TRAPPC8: variants seen among roughly 807,000 people sequenced by gnomAD.
TRAPPC8 encodes the protein general sporulation gene 1 homolog.
Under a neutral mutation model 174.3 loss-of-function variants are expected in TRAPPC8, and 54 were observed. The ratio of observed to expected loss-of-function variants is 0.31; its 90% confidence interval spans 0.25 to 0.39. TRAPPC8 has a LOEUF of 0.39. Among genes scored for constraint, TRAPPC8 ranks in the 10% least tolerant of loss-of-function variants. The probability of loss-of-function intolerance (pLI) is 1.00; values close to 1 mark genes in which losing one functional copy is unlikely to be tolerated. For missense variants in TRAPPC8, 1,531 were observed against 1,699.1 expected (o/e 0.90, Z 1.74); for synonymous variants, 630 against 579.9 (o/e 1.09, Z -1.24).
At chr18:31,861,936 A>AGGGGG (rs398032373) in intron 19 of TRAPPC8, among the ~76,000 whole-genome samples, 11 of 64,222 alleles carry the variant, frequency 1.7e-4, no homozygotes, top group African/African-American at 1.9e-4. Flanking sequence ...AAAAAAAAAA[A>AGGGGG]GGGGGGGGGG....
At chr18:31,905,539 T>A (rs543393693) in intron 9 of TRAPPC8, among the ~76,000 whole-genome samples, 3 of 152,162 alleles carry the variant, frequency 2.0e-5, no homozygotes, top group African/African-American at 4.8e-5. Context: ...TATAAAAAAA[T>A]TATTTTTTAT....
At chr18:31,869,673 T>C (rs533128918) in intron 16 of TRAPPC8, among the ~76,000 whole-genome samples, 113 of 152,294 alleles carry the variant, frequency 7.4e-4, no homozygotes, top group African/African-American at 2.7e-3. Context: ...TGGAATATTA[T>C]GCAAAAATAA....
chr18:31,909,064 C>T (rs2036795293), intron 6 of TRAPPC8, 54 bp from the exon 7 acceptor site: 7 of 1,487,120 alleles, frequency 4.7e-6, no homozygotes, highest in Non-Finnish European at 4.5e-6. Context: ...GAAAACAGTG[C>T]TAATACTACC....
intron 19 of TRAPPC8, among the ~76,000 whole-genome samples, chr18:31,859,276 T>C (rs987709120): frequency 6.6e-5 from 10 of 152,180 alleles, no homozygotes; most frequent in Non-Finnish European, 1.5e-4. Context: ...GGGACTTCAT[T>C]ATGGCCATAT....
intron 4 of TRAPPC8, among the ~76,000 whole-genome samples, chr18:31,916,026 C>T (rs1271455647): frequency 2.7e-5 from 4 of 146,890 alleles, no homozygotes; most frequent in African/African-American, 1.0e-4. Flanking sequence ...CACTGCACTC[C>T]AGCCTGGGTG....
intron 22 of TRAPPC8, chr18:31,852,884 T>C (rs2033787292): frequency 1.0e-5 from 5 of 484,206 alleles, no homozygotes; most frequent in Admixed American, 3.5e-5. Flanking sequence ...CATGTATATA[T>C]ATATATGTAT....
chr18:31,902,653 T>C (rs967170753), intron 9 of TRAPPC8, among the ~76,000 whole-genome samples: 2 of 152,170 alleles, frequency 1.3e-5, no homozygotes, highest in Non-Finnish European at 2.9e-5. Flanking sequence ...AGGCCCAACA[T>C]AACCAGCGTG....
chr18:31,934,942 T>A (rs1165241431), intron 1 of TRAPPC8, among the ~76,000 whole-genome samples: 1 of 94,732 alleles, frequency 1.1e-5, no homozygotes, highest in African/African-American at 3.8e-5. Context: ...AGAGAGAGGC[T>A]CCGTCTCATA....
intron 27 of TRAPPC8, among the ~76,000 whole-genome samples, chr18:31,836,128 G>T (rs2032702143): frequency 6.6e-6 from 1 of 152,138 alleles, no homozygotes; most frequent in Non-Finnish European, 1.5e-5. Flanking sequence ...GATGGACATG[G>T]GTATGATCTG....
At chr18:31,901,636 G>A (rs2036430873) in intron 9 of TRAPPC8, among the ~76,000 whole-genome samples, 1 of 152,166 alleles carries the variant, frequency 6.6e-6, no homozygotes, top group South Asian at 2.1e-4. Context: ...ATGAATTCTG[G>A]TGTCCAGACA....
At chr18:31,860,038 T>C (rs960342394) in intron 19 of TRAPPC8, among the ~76,000 whole-genome samples, 6 of 151,758 alleles carry the variant, frequency 4.0e-5, no homozygotes, top group Admixed American at 2.0e-4. Flanking sequence ...AGAACAAGTA[T>C]ATTTAGCCTT....
Position 31,849,771 on chromosome 18 carries a change from T to C in TRAPPC8, c.3562-32A>G, listed in dbSNP as rs780732499. On this transcript the variant is annotated intron_variant, in intron 24 of 28. Coordinates refer to ENST00000283351, the MANE Select transcript of TRAPPC8 (RefSeq NM_014939.5). Reference sequence around the variant, plus strand: ...AAAGAAAATCACTTGTGTTCATAAATGCTTTTAATTATGTTGTCAAAATTT... The same window carrying C: ...AAAGAAAATCACTTGTGTTCATAAACGCTTTTAATTATGTTGTCAAAATTT... 10 of 1,540,274 alleles carry C rather than the reference T, an allele frequency of 6.5e-6. 1 individual carries two copies. In the South Asian group the frequency reaches 1.2e-4, roughly 19 times the overall value.
chr18:31,838,322 AC>A (rs2032888393), intron 27 of TRAPPC8, among the ~76,000 whole-genome samples: 1 of 151,804 alleles, frequency 6.6e-6, no homozygotes, highest in African/African-American at 2.4e-5. Context: ...TCTTATAACT[AC>A]CCCCTGAAAT....
chr18:31,933,980 G>C (rs1262203382), intron 1 of TRAPPC8, among the ~76,000 whole-genome samples: 1 of 152,044 alleles, frequency 6.6e-6, no homozygotes, highest in Non-Finnish European at 1.5e-5. Flanking sequence ...TTGAGGTCAG[G>C]AGTTCGAGAC....
intron 21 of TRAPPC8, 40 bp from the exon 22 acceptor site, chr18:31,853,985 G>C (rs1431620746): frequency 1.4e-6 from 2 of 1,459,200 alleles, no homozygotes; most frequent in South Asian, 1.2e-5. Flanking sequence ...GGATTTAGAA[G>C]CACTAAATCA....
At chr18:31,935,459 A>T (rs1428686459) in intron 1 of TRAPPC8, among the ~76,000 whole-genome samples, 1 of 144,814 alleles carries the variant, frequency 6.9e-6, no homozygotes, top group Non-Finnish European at 1.5e-5. Flanking sequence ...GCTGAGGCAG[A>T]ACTGCTTGAA....
intron 14 of TRAPPC8, among the ~76,000 whole-genome samples, chr18:31,871,859 T>TAA (rs989294014): frequency 6.7e-6 from 1 of 149,912 alleles, no homozygotes; most frequent in Non-Finnish European, 1.5e-5. Context: ...TATGACAATT[T>TAA]AAAAAAAAAA....
At chr18:31,880,978 T>A (rs907623009) in intron 12 of TRAPPC8, among the ~76,000 whole-genome samples, 2 of 151,344 alleles carry the variant, frequency 1.3e-5, no homozygotes, top group Admixed American at 1.3e-4. Flanking sequence ...AAAACACTGA[T>A]AAAAGAAAGT....
intron 12 of TRAPPC8, among the ~76,000 whole-genome samples, chr18:31,890,418 T>A (rs1016898093): frequency 1.6e-4 from 25 of 152,208 alleles, no homozygotes; most frequent in Non-Finnish European, 3.7e-4. Flanking sequence ...GGAGAATGCA[T>A]TCCTGCTTGA....
Sources: gnomAD v4.1 joint callset for allele counts (sites outside exome capture counted in the v4.1 genomes callset) on GRCh38, gnomAD v4.1.1 for gene constraint, MANE v1.5 for transcripts, NCBI Gene and HGNC (gene_info 2026-07-23, HGNC 2026-07-21) for gene names.